The following GPR158 variants were observed in gnomAD, a reference collection of about 807,000 sequenced individuals.
The protein encoded by GPR158 is metabotropic glycine receptor.
Under a neutral mutation model 78.2 loss-of-function variants are expected in GPR158, and 30 were observed. The observed-to-expected ratio is 0.38, with a 90% CI of 0.29 to 0.52. The LOEUF is 0.52. GPR158 is among the 20% of genes least tolerant of loss of function. GPR158 has a pLI of 0.83. For missense variants in GPR158, 1,463 were observed against 1,523.5 expected (o/e 0.96, Z 0.66); for synonymous variants, 581 against 591.1 (o/e 0.98, Z 0.25).
intron 2 of GPR158, among the ~76,000 whole-genome samples, chr10:25,387,296 A>T (rs372368802): frequency 3.9e-5 from 6 of 152,144 alleles, no homozygotes; most frequent in African/African-American, 1.4e-4. Context: ...TGTGTGTTTA[A>T]CTATCCTTGA....
intron 5 of GPR158, among the ~76,000 whole-genome samples, chr10:25,528,452 A>G (rs1836379754): frequency 6.6e-6 from 1 of 152,102 alleles, no homozygotes; most frequent in Non-Finnish European, 1.5e-5. Context: ...GTTAGAATTA[A>G]TAAGTGAATT....
At chr10:25,489,178 A>T (rs897141108) in intron 5 of GPR158, among the ~76,000 whole-genome samples, 1 of 152,112 alleles carries the variant, frequency 6.6e-6, no homozygotes, top group Admixed American at 6.6e-5. Flanking sequence ...GAACAAGATA[A>T]ACACCTACTG....
At chr10:25,322,380 CA>C (rs532114546) in intron 2 of GPR158, among the ~76,000 whole-genome samples, 59 of 128,794 alleles carry the variant, frequency 4.6e-4, no homozygotes, top group East Asian at 3.8e-3. Flanking sequence ...GACTCCGTCT[CA>C]AAAAAAAAAA....
At chr10:25,200,372 T>G (rs74677913) in intron 1 of GPR158, among the ~76,000 whole-genome samples, 7,865 of 152,228 alleles carry the variant, frequency 0.052, 603 homozygotes, top group African/African-American at 0.16. Context: ...GTCTGTTTTT[T>G]GCTTGTAAAT....
intron 5 of GPR158, among the ~76,000 whole-genome samples, chr10:25,508,602 T>G (rs1232959617): frequency 6.6e-6 from 1 of 152,126 alleles, no homozygotes; most frequent in East Asian, 1.9e-4. Context: ...AAAGAATGTT[T>G]GCAAGGTCAG....
intron 5 of GPR158, among the ~76,000 whole-genome samples, chr10:25,533,560 T>C (rs538370263): frequency 6.6e-6 from 1 of 152,340 alleles, no homozygotes; most frequent in East Asian, 1.9e-4. Context: ...ACATGAATTA[T>C]TCGGTTTAAA....
chr10:25,416,667 T>A (rs568361159), intron 4 of GPR158, among the ~76,000 whole-genome samples: 1 of 152,190 alleles, frequency 6.6e-6, no homozygotes, highest in African/African-American at 2.4e-5. Flanking sequence ...TATAATACTT[T>A]CCTGGTTTTA....
chr10:25,564,817 C>G (rs1337139699), intron 6 of GPR158, among the ~76,000 whole-genome samples: 1 of 152,140 alleles, frequency 6.6e-6, no homozygotes, highest in Non-Finnish European at 1.5e-5. Flanking sequence ...TAAGTAGTTT[C>G]TAGAATTCCA....
chr10:25,514,784 C>T (rs1394737437), intron 5 of GPR158, among the ~76,000 whole-genome samples: 2 of 152,060 alleles, frequency 1.3e-5, no homozygotes, highest in Non-Finnish European at 2.9e-5. Context: ...CTTTGTTTTG[C>T]TGGATACAAA....
intron 5 of GPR158, among the ~76,000 whole-genome samples, chr10:25,521,194 G>A (rs1430951157): frequency 6.6e-6 from 1 of 152,200 alleles, no homozygotes; most frequent in Admixed American, 6.5e-5. Flanking sequence ...GCGCTTCCCA[G>A]GTGAGGCAAT....
At chr10:25,553,102 A>G (rs1264483713) in intron 6 of GPR158, among the ~76,000 whole-genome samples, 3 of 152,024 alleles carry the variant, frequency 2.0e-5, no homozygotes, top group Non-Finnish European at 4.4e-5. Context: ...CTATTTATGG[A>G]AAGTGTGACT....
intron 7 of GPR158, among the ~76,000 whole-genome samples, chr10:25,576,117 T>C (rs1189376341): frequency 2.0e-5 from 3 of 152,152 alleles, no homozygotes; most frequent in Non-Finnish European, 2.9e-5. Context: ...ATGAATTGTA[T>C]ACTGGTGAAA....
intron 2 of GPR158, among the ~76,000 whole-genome samples, chr10:25,376,374 G>A (rs1834079887): frequency 6.6e-6 from 1 of 151,506 alleles, no homozygotes; most frequent in Admixed American, 6.6e-5. Context: ...GTTTGATACA[G>A]TTAATGATGT....
chr10:25,182,296 G>A (rs890186045), intron 1 of GPR158, among the ~76,000 whole-genome samples: 15 of 152,100 alleles, frequency 9.9e-5, no homozygotes, highest in Non-Finnish European at 1.8e-4. Context: ...ATGAAGTTTC[G>A]TCGTAGATTT....
At chr10:25,558,666 T>C (rs1836819853) in intron 6 of GPR158, among the ~76,000 whole-genome samples, 1 of 152,248 alleles carries the variant, frequency 6.6e-6, no homozygotes, top group African/African-American at 2.4e-5. Context: ...CCAGCATTTG[T>C]ACATGCTCAG....
chr10:25,349,860 C>T (rs1322898640), intron 2 of GPR158, among the ~76,000 whole-genome samples: 1 of 127,846 alleles, frequency 7.8e-6, no homozygotes, highest in Non-Finnish European at 1.5e-5. Flanking sequence ...GTAGAGCTAC[C>T]ACAGCATCCC....
At chr10:25,525,477 A>G (rs1324550476) in intron 5 of GPR158, among the ~76,000 whole-genome samples, 3 of 152,262 alleles carry the variant, frequency 2.0e-5, no homozygotes, top group Non-Finnish European at 4.4e-5. Context: ...ATGCTACAGT[A>G]TATCAGTAGC....
chr10:25,425,164 G>C (rs530990979), intron 4 of GPR158, among the ~76,000 whole-genome samples: 1 of 152,216 alleles, frequency 6.6e-6, no homozygotes. Context: ...GTTCACTCTT[G>C]ATTTGGCTGT....
chr10:25,493,005 A>G (rs1835831985), intron 5 of GPR158, among the ~76,000 whole-genome samples: 1 of 152,098 alleles, frequency 6.6e-6, no homozygotes, highest in Non-Finnish European at 1.5e-5. Flanking sequence ...AAAAATTAGC[A>G]TTTACAAAGA....
Sources: gnomAD v4.1 joint callset for allele counts (sites outside exome capture counted in the v4.1 genomes callset) on GRCh38, gnomAD v4.1.1 for gene constraint, MANE v1.5 for transcripts, NCBI Gene and HGNC (gene_info 2026-07-23, HGNC 2026-07-21) for gene names.